OR8J3: variants seen among roughly 807,000 people sequenced by gnomAD.
OR8J3 encodes the protein olfactory receptor family 8 subfamily J member 3.
For missense variants in OR8J3, 418 were observed against 379.8 expected, an observed-to-expected ratio of 1.10 and a Z score of -0.84; for synonymous variants, 170 against 142.6, an observed-to-expected ratio of 1.19 and a Z score of -1.37.
chr11:56,139,939 G>A (rs1345111517), intron 1 of OR8J3, among the ~76,000 whole-genome samples: 1 of 152,228 alleles, frequency 6.6e-6, no homozygotes, highest in African/African-American at 2.4e-5. Flanking sequence ...TCTTATAAAT[G>A]CTGTAACGTG....
intron 1 of OR8J3, among the ~76,000 whole-genome samples, chr11:56,139,376 G>T (rs1478244742): frequency 6.6e-6 from 1 of 151,970 alleles, no homozygotes; most frequent in Non-Finnish European, 1.5e-5. Context: ...AGAAAACAGA[G>T]AAATAACACC....
chr11:56,140,085 C>A (rs1854374082), intron 1 of OR8J3, 88 bp downstream of exon 1: 1 of 152,190 alleles, frequency 6.6e-6, no homozygotes, highest in South Asian at 2.1e-4. Flanking sequence ...AATAGTTTTG[C>A]AGAGTATAGG....
rs1304511415 is a variant in OR8J3 at position 56,136,072 on chromosome 11, AATG to A, written c.*696_*698del. On this transcript the variant is annotated 3_prime_UTR_variant, in exon 2 of 2. Coordinates refer to ENST00000642058, the MANE Select transcript of OR8J3 (RefSeq NM_001004064.2). The stretch of plus-strand genomic sequence containing the variant: ...ACATTTGTTTTACCTATGAAGGATG[AATG>A]ATATTTAGAGGAAGGAGAAAAGGAA... 6.6e-6 allele frequency: 1 copy of A among 152,036 alleles called. No individual in the cohort carries two copies. The highest frequency in any genetic ancestry group is 2.4e-5 in the African/African-American group (1 of 41,456). The allele number at this position is 152,036 out of a possible 1,614,324, so 9.4% of individuals were successfully genotyped here. A position where few individuals can be genotyped will look rare whatever the true frequency, so the allele number is the denominator to read the frequency against.
intron 1 of OR8J3, among the ~76,000 whole-genome samples, 196 bp from the exon 2 acceptor site, chr11:56,138,693 CA>C (rs71055574): frequency 0.099 from 14,435 of 145,410 alleles, 765 homozygotes; most frequent in Middle Eastern, 0.12. Context: ...GACTCCGTCT[CA>C]AAAAAAAAAA....
Position 56,137,003 on chromosome 11 carries a change from G to C in OR8J3, c.716C>G (p.Ser239Cys), listed in dbSNP as rs761542650. 98 of 1,613,272 alleles carry C rather than the reference G, an allele frequency of 6.1e-5. No homozygotes were observed. The South Asian group carries it at 9.9e-4, about 16-fold the overall frequency. Residue 239 changes from serine to cysteine, a missense_variant, in exon 2 of 2, where the codon TCC (serine) becomes TGC (cysteine). Transcript: ENST00000642058. The part of the protein sequence containing the change: ...RSPEGRKKAF[S>C]TCASHMIAVT... ...TGCTATCATATGCGAAGCGCAGGTGGAAAAGGCTTTTTTCCTTCCTTCTGG... is the reference window on the plus strand; with the variant it reads ...TGCTATCATATGCGAAGCGCAGGTGCAAAAGGCTTTTTTCCTTCCTTCTGG...
At chr11:56,138,632 G>C (rs937413030) in intron 1 of OR8J3, 135 bp from the exon 2 acceptor site, 1 of 150,988 alleles carries the variant, frequency 6.6e-6, no homozygotes, top group African/African-American at 2.4e-5. Context: ...CCGAGATTGC[G>C]CCAGTGAGCC....
At position 56,137,640 on chromosome 11, in the gene OR8J3, G is replaced by A. The variant is rs1854348864; in HGVS notation, c.79C>T (p.Leu27Phe). ...TAGAGCACTAGGAAGACCAGGAAGAGGGGAATCTGGAGCTCTGGACAGCTA... is the reference window on the plus strand; with the variant it reads ...TAGAGCACTAGGAAGACCAGGAAGAAGGGAATCTGGAGCTCTGGACAGCTA... ...VSSCPELQIP[L>F]FLVFLVLYVL... The change falls in exon 2 of 2, where the codon CTC becomes TTC. Residue 27 changes from leucine to phenylalanine, a missense_variant. By Grantham distance (22) the Leu-to-Phe change is conservative (BLOSUM62 0). Coordinates refer to ENST00000642058, the MANE Select transcript of OR8J3 (RefSeq NM_001004064.2). The A allele has an allele frequency of 1.2e-6, 2 of 1,614,092 alleles. No individual in the cohort carries two copies. The highest frequency in any genetic ancestry group is 1.3e-5 in the African/African-American group (1 of 74,916).
chr11:56,135,272 A>C lies in OR8J3; in HGVS notation c.*1499T>G, dbSNP rs1202690386. 1 of 13,832 alleles carries C rather than the reference A, an allele frequency of 7.2e-5. No homozygotes were observed. 0.9% of individuals were successfully genotyped at this position (13,832 alleles called of 1,614,324 possible). ...GTGGAATCCAAAGATGACCTTTTAT[A>C]AAAAAAAAAATTATGATGGAAATGT... is the stretch of plus-strand genomic sequence containing the variant. On this transcript the variant is annotated 3_prime_UTR_variant, in exon 2 of 2. Coordinates refer to ENST00000642058, the MANE Select transcript of OR8J3 (RefSeq NM_001004064.2).
chr11:56,137,241 A>G lies in OR8J3; in HGVS notation c.478T>C (p.Ser160Pro). 6.2e-7 allele frequency: 1 copy of G among 1,614,210 alleles called. No homozygotes were observed. Among genetic ancestry groups the G allele is most frequent in the Non-Finnish European group, 8.5e-7 (1 of 1,180,028 alleles). ...TAAGACACAGAGAATATACAAGGTG[A>G]AACCACAATAGCTGTAGAAAAGCCA... ...LYGFSTAIVV[S>P]PCIFSVSYCS... is the part of the protein sequence containing the mutation. The change falls in exon 2 of 2, where the codon TCA becomes CCA. Residue 160 changes from serine (S) to proline (P), a missense_variant. Transcript: ENST00000642058.
chr11:56,136,748 C>A lies in OR8J3; in HGVS notation c.*23G>T, dbSNP rs1481500579. On this transcript the variant is annotated 3_prime_UTR_variant, in exon 2 of 2. Coordinates refer to ENST00000642058, the MANE Select transcript of OR8J3 (RefSeq NM_001004064.2). Reference sequence around the variant, plus strand: ...TGGCAGGTTACATGAACTATCTCTTCATTTATTTATAGAGCTCTAAAATTA... The same window carrying A: ...TGGCAGGTTACATGAACTATCTCTTAATTTATTTATAGAGCTCTAAAATTA... 1.2e-5 allele frequency: 16 copies of A among 1,335,912 alleles called. No individual in the cohort carries two copies. The highest frequency in any genetic ancestry group is 1.6e-5 in the Non-Finnish European group (16 of 971,584). The allele number at this position is 1,335,912 out of a possible 1,614,324, so 82.8% of individuals were successfully genotyped here.
At position 56,138,171 on chromosome 11, in the gene OR8J3, G is replaced by A. The variant is rs1854354298; in HGVS notation, c.-453C>T. 6.3e-6 allele frequency: 1 copy of A among 158,570 alleles called. No homozygotes were observed. The highest frequency in any genetic ancestry group is 1.4e-5 in the Non-Finnish European group (1 of 72,510). The allele number at this position is 158,570 out of a possible 1,614,324, so 9.8% of individuals were successfully genotyped here. A position where few individuals can be genotyped will look rare whatever the true frequency, so the allele number is the denominator to read the frequency against. Reference sequence around the variant, plus strand: ...TAATTCTTCCTTTGCCTCAAGACTAGGTACTATACTCTTCATTTTAAGAAT... The same window carrying A: ...TAATTCTTCCTTTGCCTCAAGACTAAGTACTATACTCTTCATTTTAAGAAT... On this transcript the variant is annotated 5_prime_UTR_variant, in exon 2 of 2. Transcript: ENST00000642058.
At chr11:56,138,672 C>A (rs1031307923) in intron 1 of OR8J3, among the ~76,000 whole-genome samples, 175 bp from the exon 2 acceptor site, 2 of 132,804 alleles carry the variant, frequency 1.5e-5, no homozygotes, top group East Asian at 4.7e-4. Flanking sequence ...CCAGCCTGGG[C>A]GACAGAGCGA....
intron 1 of OR8J3, among the ~76,000 whole-genome samples, chr11:56,138,926 ATC>A (rs1854363206): frequency 1.3e-5 from 2 of 151,784 alleles, no homozygotes; most frequent in Non-Finnish European, 2.9e-5. Flanking sequence ...ATTTTAGCTG[ATC>A]TGTTTTTTTT....
Position 56,137,212 on chromosome 11 carries a change from G to A in OR8J3, c.507C>T (p.Cys169=), listed in dbSNP as rs747522678. 2.5e-6 allele frequency: 4 copies of A among 1,613,992 alleles called. No homozygotes were observed. The highest frequency in any genetic ancestry group is 2.2e-5 in the East Asian group (1 of 44,874). The part of the protein sequence containing the change: ...VSPCIFSVSY[C]SSNIINHFYC... ...AAAAATGATTGATTATATTAGAAGA[G>A]CAATAAGACACAGAGAATATACAAG... The change falls in exon 2 of 2, where the codon TGC becomes TGT. Residue 169 remains cysteine, a synonymous_variant. Coordinates refer to ENST00000642058, the MANE Select transcript of OR8J3 (RefSeq NM_001004064.2).
chr11:56,139,822 A>T (rs1854371851), intron 1 of OR8J3, among the ~76,000 whole-genome samples: 1 of 152,266 alleles, frequency 6.6e-6, no homozygotes, highest in African/African-American at 2.4e-5. Flanking sequence ...GCATTCCAGG[A>T]TTCCAGGCAA....
intron 1 of OR8J3, among the ~76,000 whole-genome samples, 171 bp downstream of exon 1, chr11:56,140,002 G>A (rs1327690529): frequency 2.0e-5 from 3 of 152,224 alleles, no homozygotes; most frequent in African/African-American, 7.2e-5. Context: ...AATAATGATA[G>A]ACAAAGATCC....
chr11:56,137,443 G>T lies in OR8J3; in HGVS notation c.276C>A (p.Thr92=), dbSNP rs1854344899. Residue 92 remains threonine (T), a synonymous_variant, in exon 2 of 2, where the codon ACC becomes ACA. Coordinates refer to ENST00000642058, the MANE Select transcript of OR8J3 (RefSeq NM_001004064.2). ...GTTGGGTGGCACATTCATAGAATGA[G>T]GTAGTTTTCTTCTTTACTAAAAAGT... ...LMNFLVKKKT[T]SFYECATQLG... 6.2e-7 allele frequency: 1 copy of T among 1,614,212 alleles called. No individual in the cohort carries two copies. Among genetic ancestry groups the T allele is most frequent in the East Asian group, 2.2e-5 (1 of 44,870 alleles).
chr11:56,136,050 T>A lies in OR8J3; in HGVS notation c.*721A>T, dbSNP rs545692042. On this transcript the variant is annotated 3_prime_UTR_variant, in exon 2 of 2. Coordinates refer to ENST00000642058, the MANE Select transcript of OR8J3 (RefSeq NM_001004064.2). The stretch of plus-strand genomic sequence containing the variant: ...TTTATTAATATACAAAAATAGAACA[T>A]TTGTTTTACCTATGAAGGATGAATG... 6.6e-6 allele frequency: 1 copy of A among 152,030 alleles called. No homozygotes were observed. Among genetic ancestry groups the A allele is most frequent in the South Asian group, 2.1e-4 (1 of 4,814 alleles). The allele number at this position is 152,030 out of a possible 1,614,324, so 9.4% of individuals were successfully genotyped here.
In OR8J3 at chr11:56,137,204, T is replaced by G. The variant is rs1386891929; in HGVS notation, c.515A>C (p.Asn172Thr). The change falls in exon 2 of 2, where the codon AAT (asparagine) becomes ACT (threonine). Residue 172 changes from asparagine to threonine, a missense_variant. Physicochemically the swap from Asn to Thr is moderately conservative, Grantham distance 65 (BLOSUM62 0). Coordinates refer to ENST00000642058, the MANE Select transcript of OR8J3 (RefSeq NM_001004064.2). ...CIFSVSYCSS[N>T]IINHFYCDIA... The stretch of plus-strand genomic sequence containing the variant: ...ATCACAGTAAAAATGATTGATTATA[T>G]TAGAAGAGCAATAAGACACAGAGAA... 1 of 1,613,730 alleles carries G rather than the reference T, an allele frequency of 6.2e-7. No individual in the cohort carries two copies. The highest frequency in any genetic ancestry group is 1.7e-5 in the Admixed American group (1 of 59,968).
Sources: allele counts gnomAD v4.1 joint callset (sites outside exome capture counted in the v4.1 genomes callset), GRCh38; gene constraint gnomAD v4.1.1; transcripts MANE v1.5; gene names NCBI Gene and HGNC (gene_info 2026-07-23, HGNC 2026-07-21).